The following TTN variants were observed in gnomAD, a reference collection of about 807,000 sequenced individuals.
The protein encoded by TTN is connectin.
A neutral mutation model predicts 3,223.0 loss-of-function variants in TTN; 1,525 were observed. The ratio of observed to expected loss-of-function variants is 0.47; its 90% CI spans 0.45 to 0.49. The LOEUF is 0.49. Among genes scored for constraint, TTN ranks in the 20% least tolerant of loss-of-function variants. The pLI is 0.00. For synonymous variants in TTN, 14,094 were observed against 15,161.0 expected (o/e 0.93, Z 5.17); for missense variants, 40,786 against 43,424.0 (o/e 0.94, Z 5.40).
At position 178,637,181 on chromosome 2, in the gene TTN, A is replaced by ATC. The variant is rs2060582962; in HGVS notation, c.40927+187_40927+188insGA. On this transcript the variant is annotated intron_variant, in intron 224 of 362. Coordinates refer to ENST00000589042, the MANE Select transcript of TTN (RefSeq NM_001267550.2). ...TATATATATATATATATATATATAT[A>ATC]TATATATATCTCCTTGCATAATACT... Among the ~76,000 whole-genome samples, 17 of 133,748 alleles carry ATC rather than the reference A, an allele frequency of 1.3e-4. 1 individual carries two copies. The highest frequency in any genetic ancestry group is 3.6e-4 in the African/African-American group (13 of 36,026). The allele number at this position is 133,748 out of a possible 152,430, so 87.7% of individuals were successfully genotyped here.
In TTN at chr2:178,669,420, T is replaced by A; in HGVS notation, c.35498A>T (p.Gln11833Leu). The change falls in exon 159 of 363, where the codon CAA (glutamine) becomes CTA (leucine). Residue 11833 changes from glutamine to leucine, a missense_variant. Physicochemically the swap from Gln to Leu is moderately radical, Grantham distance 113 (BLOSUM62 -2). Coordinates refer to ENST00000589042, the MANE Select transcript of TTN (RefSeq NM_001267550.2). ...AATAACAATAGGTGATTTTTCTTCT[T>A]GAACACTTTTCTTAGGCATCCCAGG... ...KVPGMPKKSV[Q>L]EEKSPIVISE... 1 of 1,525,892 alleles carries A rather than the reference T, an allele frequency of 6.6e-7. No individual in the cohort carries two copies. The highest frequency in any genetic ancestry group is 8.7e-7 in the Non-Finnish European group (1 of 1,148,866). 94.5% of individuals were successfully genotyped at this position (1,525,892 alleles called of 1,614,324 possible). A position where few individuals can be genotyped will look rare whatever the true frequency, so the allele number is the denominator to read the frequency against.
At position 178,775,119 on chromosome 2, in the gene TTN, T is replaced by C; in HGVS notation, c.6592A>G (p.Thr2198Ala). ...TTCACTTTGACAAATGGTTCTGAAG[T>C]TTCACATTCAAAGGTTGCCATAGTG... ...KDTMATFECE[T>A]SEPFVKVKWY... The change falls in exon 29 of 363, where the codon ACT becomes GCT. Residue 2198 changes from threonine (T) to alanine (A), a missense_variant. Transcript: ENST00000589042. The C allele has an allele frequency of 1.2e-6, 2 of 1,614,030 alleles. No homozygotes were observed. The highest frequency in any genetic ancestry group is 1.7e-6 in the Non-Finnish European group (2 of 1,179,968).
rs374445709 is a variant in TTN, at chr2:178,545,931, C to T, written c.95305G>A (p.Val31769Ile). 1.7e-5 allele frequency: 28 copies of T among 1,613,708 alleles called. No homozygotes were observed. Among genetic ancestry groups the T allele is most frequent in the East Asian group, 8.9e-5 (4 of 44,866 alleles). ...TCATTGTTCTTGATGAGCCTGGTAA[C>T]GACATAGGATAGGGTTGGGCATTCG... ...EGECPTLSYV[V>I]TRLIKNNEYI... The change falls in exon 343 of 363, where the codon GTT (valine) becomes ATT (isoleucine). Residue 31769 changes from valine (V) to isoleucine (I), a missense_variant. Val to Ile is a conservative substitution (Grantham distance 29). Transcript: ENST00000589042.
chr2:178,603,822 A>C, intron 282 of TTN, 54 bp downstream of exon 282: 2 of 1,470,162 alleles, frequency 1.4e-6, no homozygotes, highest in Non-Finnish European at 1.8e-6. Flanking sequence ...AGAATTATCC[A>C]TTTAGTGACT....
chr2:178,731,636 T>TA lies in TTN; in HGVS notation c.17183-54dup, dbSNP rs1012114800. On this transcript the variant is annotated intron_variant, in intron 58 of 362. Coordinates refer to ENST00000589042, the MANE Select transcript of TTN (RefSeq NM_001267550.2). Reference sequence around the variant, plus strand: ...TATTATCCCTATAGCAAAAGTGGCTTAAAAAAAAGAATTGACTCTTCAGAA... The same window carrying TA: ...TATTATCCCTATAGCAAAAGTGGCTTAAAAAAAAAGAATTGACTCTTCAGAA... 3.9e-5 allele frequency: 61 copies of TA among 1,567,116 alleles called. No individual in the cohort carries two copies. In the South Asian group the frequency reaches 5.8e-4, roughly 15 times the overall value.
intron 111 of TTN, among the ~76,000 whole-genome samples, chr2:178,699,309 CA>C (rs2074338378): frequency 6.8e-6 from 1 of 145,996 alleles, no homozygotes; most frequent in Admixed American, 7.0e-5. Flanking sequence ...CTTTGTTGTG[CA>C]GCTGTTATAC....
chr2:178,537,424 AC>A lies in TTN; in HGVS notation c.99782del (p.Arg33261LeufsTer39). ...YTHLVMKNVQRKTHAGKYKVQ... is the reference protein window; with the variant it reads ...YTHLVMKNVQXKTHAGKYKVQ... Reference sequence around the variant, plus strand: ...CTTTGTATTTCCCAGCATGAGTCTTACGTTGGACATTCTTCATGACAAGATG... The same window carrying A: ...CTTTGTATTTCCCAGCATGAGTCTTAGTTGGACATTCTTCATGACAAGATG... On this transcript the variant is annotated frameshift_variant, in exon 355 of 363. Transcript: ENST00000589042. LOFTEE classifies it high-confidence loss of function. The A allele has an allele frequency of 6.2e-7, 1 of 1,612,704 alleles. No homozygotes were observed. Among genetic ancestry groups the A allele is most frequent in the Non-Finnish European group, 8.5e-7 (1 of 1,179,186 alleles).
Position 178,774,294 on chromosome 2 carries a change from T to G in TTN, c.6970A>C (p.Thr2324Pro). 1 of 1,614,130 alleles carries G rather than the reference T, an allele frequency of 6.2e-7. No homozygotes were observed. Residue 2324 changes from threonine (T) to proline (P), a missense_variant, in exon 30 of 363, where the codon ACG (threonine) becomes CCG (proline). Physicochemically the swap from Thr to Pro is conservative, Grantham distance 38 (BLOSUM62 -1). Transcript: ENST00000589042. ...TCCTCCTTGGTTACATCCTTGACCG[T>G]GAGGTTCTGACGTCCACGACGAGAT... ...ITSRRGRQNL[T>P]VKDVTKEDQG...
chr2:178,538,402 C>T (rs1051421540), intron 354 of TTN, 138 bp downstream of exon 354: 7 of 780,564 alleles, frequency 9.0e-6, no homozygotes, highest in African/African-American at 8.8e-5. Context: ...TGTCATATTT[C>T]CTGTGTGTGT....
Position 178,550,974 on chromosome 2 carries a change from A to T in TTN, c.91557T>A (p.Asp30519Glu), listed in dbSNP as rs202185465. ...SQSSGIIMTR[D>E]ENVPPIVEFG... ...TAAGTTGTAAATGCTTACCATTTTC[A>T]TCTCTTGTCATAATAATGCCAGAAG... is the stretch of plus-strand genomic sequence containing the variant. Residue 30519 changes from aspartate to glutamate, a missense_variant, in exon 336 of 363, where the codon GAT becomes GAA. By Grantham distance (45) the Asp-to-Glu change is conservative. Coordinates refer to ENST00000589042, the MANE Select transcript of TTN (RefSeq NM_001267550.2). 2.5e-6 allele frequency: 4 copies of T among 1,612,448 alleles called. No homozygotes were observed. In the African/African-American group the frequency reaches 5.3e-5, roughly 22 times the overall value.
rs533580342 is a variant in TTN, at chr2:178,710,804, G to C, written c.28293C>G (p.Ala9431=). The change falls in exon 98 of 363, where the codon GCC becomes GCG. Residue 9431 remains alanine (A), a synonymous_variant. Transcript: ENST00000589042. ...TGTQPIKVSW[A]KDSREIRSGG... ...CACTTCGTATTTCTCTGCTGTCTTTGGCCCAGCTGACCTTTATCGGTTGTG... is the reference window on the plus strand; with the variant it reads ...CACTTCGTATTTCTCTGCTGTCTTTCGCCCAGCTGACCTTTATCGGTTGTG... 6 of 1,613,868 alleles carry C rather than the reference G, an allele frequency of 3.7e-6. No homozygotes were observed. The African/African-American group carries it at 8.0e-5, about 22-fold the overall frequency.
chr2:178,600,817 T>A, intron 288 of TTN, 37 bp downstream of exon 288: 2 of 1,611,284 alleles, frequency 1.2e-6, no homozygotes, highest in South Asian at 1.1e-5. Flanking sequence ...AAGGCAGCTG[T>A]AAGGAGGACA....
rs561618839 is a variant in TTN at position 178,615,720 on chromosome 2, AAAT to A, written c.48378_48380del (p.Leu16126del). The stretch of plus-strand genomic sequence containing the variant: ...CACATTTGTTACGAGCACAAACTTT[AAAT>A]AAGTACTCTTTTCCTTGAACAAGAT... On this transcript the variant is annotated inframe_deletion, in exon 258 of 363. Coordinates refer to ENST00000589042, the MANE Select transcript of TTN (RefSeq NM_001267550.2). 9.7e-5 allele frequency: 157 copies of A among 1,612,410 alleles called. No individual in the cohort carries two copies. Among genetic ancestry groups the A allele is most frequent in the Non-Finnish European group, 1.2e-4 (146 of 1,178,914 alleles).
At chr2:178,744,722 A>AATACAGTTT in intron 47 of TTN, 3 of 982,602 alleles carry the variant, frequency 3.1e-6, no homozygotes, top group Non-Finnish European at 2.4e-6. Flanking sequence ...CTGAAATCAG[A>AATACAGTTT]ATACAGTTTT....
Position 178,573,539 on chromosome 2 carries a change from A to G in TTN, c.72593T>C (p.Met24198Thr). 6.7e-7 allele frequency: 1 copy of G among 1,497,298 alleles called. No individual in the cohort carries two copies. Among genetic ancestry groups the G allele is most frequent in the Non-Finnish European group, 8.9e-7 (1 of 1,125,994 alleles). The allele number at this position is 1,497,298 out of a possible 1,614,324, so 92.8% of individuals were successfully genotyped here. A position where few individuals can be genotyped will look rare whatever the true frequency, so the allele number is the denominator to read the frequency against. Residue 24198 changes from methionine (M) to threonine (T), a missense_variant, in exon 326 of 363, where the codon ATG (methionine) becomes ACG (threonine). Coordinates refer to ENST00000589042, the MANE Select transcript of TTN (RefSeq NM_001267550.2). Reference protein sequence around the residue: ...LKGNEYIFRVMAVNKYGVGEP... With the variant: ...LKGNEYIFRVTAVNKYGVGEP... Reference sequence around the variant, plus strand: ...TCCCACTCCATATTTATTTACAGCCATGACACGGAATATGTATTCATTGCC... The same window carrying G: ...TCCCACTCCATATTTATTTACAGCCGTGACACGGAATATGTATTCATTGCC...
At chr2:178,670,396 T>C (rs1485269703) in intron 156 of TTN, 101 bp from the exon 157 acceptor site, 6 of 549,268 alleles carry the variant, frequency 1.1e-5, no homozygotes, top group Non-Finnish European at 1.7e-5. Flanking sequence ...ACAGCAACAA[T>C]ATAAAATGCA....
Position 178,694,584 on chromosome 2 carries a change from C to T in TTN, c.31426+15G>A. The T allele has an allele frequency of 1.3e-6, 2 of 1,541,852 alleles. No individual in the cohort carries two copies. The highest frequency in any genetic ancestry group is 1.8e-6 in the Non-Finnish European group (2 of 1,142,518). On this transcript the variant is annotated intron_variant, in intron 117 of 362. Transcript: ENST00000589042. ...AAAAATTTTGAACTTGTAGCTGAAA[C>T]ACAAAGATGTATACCTTTCACTTCA...
rs753337029 is a variant in TTN, at chr2:178,735,762, T to C, written c.14684A>G (p.Glu4895Gly). The change falls in exon 50 of 363, where the codon GAG becomes GGG. Residue 4895 changes from glutamate (E) to glycine (G), a missense_variant. Glu to Gly is a moderately conservative substitution (Grantham distance 98, BLOSUM62 -2). Transcript: ENST00000589042. ...CTTATTGATAGCGGACTGCACAGGCTCTAATTCTTTAATGAAATGTGGCTT... is the reference window on the plus strand; with the variant it reads ...CTTATTGATAGCGGACTGCACAGGCCCTAATTCTTTAATGAAATGTGGCTT... ...IDKPHFIKEL[E>G]PVQSAINKKV... 1 of 1,613,756 alleles carries C rather than the reference T, an allele frequency of 6.2e-7. No individual in the cohort carries two copies. Among genetic ancestry groups the C allele is most frequent in the South Asian group, 1.1e-5 (1 of 91,078 alleles).
intron 332 of TTN, 70 bp from the exon 333 acceptor site, chr2:178,554,286 G>T: frequency 1.4e-6 from 2 of 1,464,944 alleles, no homozygotes; most frequent in East Asian, 2.3e-5. Flanking sequence ...TTTGATGTTC[G>T]CATTCTTTCC....
Sources: allele counts gnomAD v4.1 joint callset (sites outside exome capture counted in the v4.1 genomes callset), GRCh38; gene constraint gnomAD v4.1.1; transcripts MANE v1.5; gene names NCBI Gene and HGNC (gene_info 2026-07-23, HGNC 2026-07-21).